Variants in ADK observed in about 807,000 individuals in gnomAD.
ADK encodes N6,N6-dimethyladenosine kinase.
A neutral mutation model predicts 44.7 loss-of-function variants in ADK; 24 were observed. That is an observed-to-expected ratio of 0.54 (90% CI 0.39 to 0.76). ADK has a LOEUF of 0.76. ADK is among the 30% of genes least tolerant of loss of function. The pLI is 0.00. For missense variants in ADK, 321 were observed against 425.1 expected, an observed-to-expected ratio of 0.76 and a Z score of 2.15; for synonymous variants, 128 against 142.6, an observed-to-expected ratio of 0.90 and a Z score of 0.73.
chr10:74,246,930 AATTT>A (rs1488517168), intron 3 of ADK, among the ~76,000 whole-genome samples: 5 of 152,168 alleles, frequency 3.3e-5, no homozygotes, highest in Middle Eastern at 6.8e-3. Context: ...ACATTTAATG[AATTT>A]ATTCTTAAAA....
At chr10:74,230,925 G>T (rs939907664) in intron 3 of ADK, among the ~76,000 whole-genome samples, 1 of 151,856 alleles carries the variant, frequency 6.6e-6, no homozygotes, top group Non-Finnish European at 1.5e-5. Flanking sequence ...CAGGTGATCC[G>T]CCTGCCTCAG....
At chr10:74,505,296 C>G (rs1403094137) in intron 6 of ADK, among the ~76,000 whole-genome samples, 1 of 152,148 alleles carries the variant, frequency 6.6e-6, no homozygotes, top group Non-Finnish European at 1.5e-5. Context: ...TAAAAGAAGT[C>G]AAAAGCAGTC....
chr10:74,668,323 T>TA (rs1159845233), intron 9 of ADK, among the ~76,000 whole-genome samples: 1 of 152,220 alleles, frequency 6.6e-6, no homozygotes, highest in African/African-American at 2.4e-5. Flanking sequence ...CATAGTAGTT[T>TA]GTGCTATATA....
intron 6 of ADK, among the ~76,000 whole-genome samples, chr10:74,496,548 A>C (rs1480264712): frequency 6.6e-6 from 1 of 152,168 alleles, no homozygotes; most frequent in Non-Finnish European, 1.5e-5. Context: ...AGTTGATTAA[A>C]CTTCTTTTCT....
chr10:74,172,804 C>T (rs1238783312), intron 1 of ADK, among the ~76,000 whole-genome samples: 2 of 145,938 alleles, frequency 1.4e-5, no homozygotes, highest in Non-Finnish European at 3.0e-5. Context: ...GGCCTGGTGG[C>T]GCACGCCTAG....
intron 9 of ADK, among the ~76,000 whole-genome samples, chr10:74,607,036 G>A (rs1250637790): frequency 6.6e-6 from 1 of 152,024 alleles, no homozygotes; most frequent in East Asian, 1.9e-4. Flanking sequence ...TGTTTTATCG[G>A]AGACTAGGAT....
intron 10 of ADK, among the ~76,000 whole-genome samples, chr10:74,699,029 T>TTA (rs1273461180): frequency 6.6e-6 from 1 of 151,076 alleles, no homozygotes; most frequent in Admixed American, 6.6e-5. Flanking sequence ...TTTTTTTTTT[T>TTA]ATGTAGAGAC....
chr10:74,548,365 G>T (rs531874918), intron 7 of ADK, among the ~76,000 whole-genome samples: 1 of 152,064 alleles, frequency 6.6e-6, no homozygotes, highest in Non-Finnish European at 1.5e-5. Context: ...TAATCTTTTT[G>T]ATTCTGAATA....
chr10:74,704,158 G>A (rs958990632), intron 10 of ADK, among the ~76,000 whole-genome samples: 1 of 152,164 alleles, frequency 6.6e-6, no homozygotes, highest in Non-Finnish European at 1.5e-5. Context: ...CAAAAGTAGA[G>A]TAGCAGTTAC....
intron 7 of ADK, among the ~76,000 whole-genome samples, chr10:74,550,131 C>T (rs967052053): frequency 4.0e-5 from 6 of 149,310 alleles, no homozygotes; most frequent in Admixed American, 2.0e-4. Flanking sequence ...AGTGCAGTGG[C>T]GTGATCTTGG....
intron 6 of ADK, among the ~76,000 whole-genome samples, chr10:74,490,191 A>G (rs1847425841): frequency 1.3e-5 from 2 of 152,104 alleles, no homozygotes; most frequent in African/African-American, 2.4e-5. Flanking sequence ...ATGTTTTAGA[A>G]AAGATTTTCA....
At chr10:74,190,622 G>C (rs530080553) in intron 1 of ADK, among the ~76,000 whole-genome samples, 1 of 152,288 alleles carries the variant, frequency 6.6e-6, no homozygotes, top group Admixed American at 6.5e-5. Context: ...AAGCCTGTTA[G>C]CAATGGGCAA....
intron 4 of ADK, among the ~76,000 whole-genome samples, chr10:74,340,420 C>T (rs1356749257): frequency 6.6e-6 from 1 of 152,212 alleles, no homozygotes; most frequent in Admixed American, 6.5e-5. Context: ...AAAATGTTGT[C>T]TAAACCAGGT....
chr10:74,656,020 T>C, intron 9 of ADK: 1 of 612,046 alleles, frequency 1.6e-6, no homozygotes, highest in South Asian at 1.7e-5. Flanking sequence ...CAGGAGCTGG[T>C]GTCTGTGGGC....
intron 6 of ADK, among the ~76,000 whole-genome samples, chr10:74,465,003 G>A (rs1364411534): frequency 6.6e-6 from 1 of 152,066 alleles, no homozygotes; most frequent in African/African-American, 2.4e-5. Flanking sequence ...AAATATTGCT[G>A]TCCTCAGGGT....
chr10:74,511,204 C>T (rs531557883), intron 6 of ADK, among the ~76,000 whole-genome samples: 44 of 152,106 alleles, frequency 2.9e-4, no homozygotes, highest in Non-Finnish European at 6.0e-4. Flanking sequence ...GTTCTCTATG[C>T]CTTTCCATTG....
intron 8 of ADK, among the ~76,000 whole-genome samples, chr10:74,597,953 A>C (rs964497811): frequency 6.6e-6 from 1 of 152,170 alleles, no homozygotes; most frequent in East Asian, 1.9e-4. Context: ...TTTGTAATGA[A>C]TATCTTAGGG....
chr10:74,431,648 C>T (rs998753228), intron 6 of ADK, among the ~76,000 whole-genome samples: 6 of 152,026 alleles, frequency 3.9e-5, no homozygotes, highest in East Asian at 3.9e-4. Context: ...GGCTGAGGCA[C>T]GATAATTGCT....
Position 74,708,936 on chromosome 10 carries a change from C to G in ADK, c.*491C>G, listed in dbSNP as rs1428893146. The G allele has an allele frequency of 6.4e-6, 1 of 155,782 alleles. No individual in the cohort carries two copies. The highest frequency in any genetic ancestry group is 1.4e-5 in the Non-Finnish European group (1 of 70,340). The allele number at this position is 155,782 out of a possible 1,614,324, so 9.6% of individuals were successfully genotyped here. The stretch of plus-strand genomic sequence containing the variant: ...ATATACCACATATACACCTGATAGT[C>G]AAATAAGGTACAGAAATTTTATCTT... On this transcript the variant is annotated 3_prime_UTR_variant, in exon 11 of 11. Coordinates refer to ENST00000539909, the MANE Select transcript of ADK (RefSeq NM_006721.4).
Sources: allele counts gnomAD v4.1 joint callset (sites outside exome capture counted in the v4.1 genomes callset), GRCh38; gene constraint gnomAD v4.1.1; transcripts MANE v1.5; gene names NCBI Gene and HGNC (gene_info 2026-07-23, HGNC 2026-07-21).